TBL1XR1: variants seen among roughly 807,000 people sequenced by gnomAD.
TBL1XR1 encodes TBL1X/Y related 1, also known as F-box-like/WD repeat-containing protein TBL1XR1.
In TBL1XR1, 5 loss-of-function variants were observed where a neutral mutation model predicts 66.9. The ratio of observed to expected loss-of-function variants is 0.07; its 90% CI spans 0.04 to 0.16. The LOEUF is 0.16. Among genes scored for constraint, TBL1XR1 ranks in the 10% least tolerant of loss-of-function variants. The pLI is 1.00. For synonymous variants in TBL1XR1, 210 were observed against 206.0 expected, an observed-to-expected ratio of 1.02 and a Z score of -0.17; for missense variants, 238 against 623.2, an observed-to-expected ratio of 0.38 and a Z score of 6.58.
chr3:177,087,237 A>G (rs567974886), intron 2 of TBL1XR1, among the ~76,000 whole-genome samples: 2 of 149,948 alleles, frequency 1.3e-5, no homozygotes, highest in Non-Finnish European at 1.5e-5. Flanking sequence ...TAAAAAAAAA[A>G]TTAAACTAAT....
chr3:177,057,962 A>T (rs1718012742), intron 3 of TBL1XR1, among the ~76,000 whole-genome samples: 1 of 152,110 alleles, frequency 6.6e-6, no homozygotes, highest in Non-Finnish European at 1.5e-5. Flanking sequence ...TTTTCTATAG[A>T]TCGCTTGTTT....
intron 2 of TBL1XR1, among the ~76,000 whole-genome samples, chr3:177,068,879 C>T (rs977049459): frequency 1.3e-5 from 2 of 152,196 alleles, no homozygotes; most frequent in Non-Finnish European, 2.9e-5. Context: ...GATCTGGACA[C>T]TCTTTGCATG....
intron 1 of TBL1XR1, among the ~76,000 whole-genome samples, chr3:177,164,392 C>G (rs945580360): frequency 4.0e-5 from 6 of 151,726 alleles, no homozygotes; most frequent in Non-Finnish European, 8.8e-5. Flanking sequence ...GCCTGTCGCC[C>G]AGGCTGGAGT....
rs185708159 is a variant in TBL1XR1 at position 177,193,368 on chromosome 3, T to C, written c.-122+3753A>G. 2.8e-4 allele frequency among the ~76,000 whole-genome samples: 43 copies of C among 151,660 alleles called. No homozygotes were observed. In the East Asian group the frequency reaches 3.4e-3, roughly 12 times the overall value. Reference sequence around the variant, plus strand: ...CTCTATCGCCCAGGCTGGAGTGCAATGGCGCGATCTTGGCTCACTGCAACC... The same window carrying C: ...CTCTATCGCCCAGGCTGGAGTGCAACGGCGCGATCTTGGCTCACTGCAACC... On this transcript the variant is annotated intron_variant, in intron 1 of 15. Transcript: ENST00000457928.
intron 2 of TBL1XR1, among the ~76,000 whole-genome samples, chr3:177,066,880 T>C (rs535190784): frequency 1.3e-5 from 2 of 152,330 alleles, no homozygotes; most frequent in South Asian, 4.1e-4. Flanking sequence ...ACAATTACAA[T>C]ATCTTCATCT....
At chr3:177,072,124 A>C (rs553799550) in intron 2 of TBL1XR1, among the ~76,000 whole-genome samples, 1 of 152,338 alleles carries the variant, frequency 6.6e-6, no homozygotes, top group African/African-American at 2.4e-5. Context: ...TTCTTTCTTA[A>C]AAGACACACA....
intron 1 of TBL1XR1, among the ~76,000 whole-genome samples, chr3:177,106,346 T>C (rs769430328): frequency 2.6e-5 from 4 of 152,198 alleles, no homozygotes; most frequent in Non-Finnish European, 5.9e-5. Flanking sequence ...GAAGTTCTAG[T>C]GGGCACTTAG....
chr3:177,072,979 G>A (rs1413840680), intron 2 of TBL1XR1, among the ~76,000 whole-genome samples: 3 of 151,992 alleles, frequency 2.0e-5, no homozygotes, highest in Non-Finnish European at 2.9e-5. Flanking sequence ...CAGGAGAATC[G>A]CTTGAACCCA....
rs1381010759 is a variant in TBL1XR1 at position 177,023,154 on chromosome 3, A to T, written c.*2344T>A. The T allele has an allele frequency of 6.6e-6, 1 of 152,460 alleles. No homozygotes were observed. Among genetic ancestry groups the T allele is most frequent in the African/African-American group, 2.4e-5 (1 of 41,430 alleles). 9.4% of individuals were successfully genotyped at this position (152,460 alleles called of 1,614,324 possible). A position where few individuals can be genotyped will look rare whatever the true frequency, so the allele number is the denominator to read the frequency against. On this transcript the variant is annotated 3_prime_UTR_variant, in exon 16 of 16. Coordinates refer to ENST00000457928, the MANE Select transcript of TBL1XR1 (RefSeq NM_024665.7). ...GTCAATAACTGTATGCAAATGAATA[A>T]ACTGTCCATATCAAAATACAAAAGT...
intron 1 of TBL1XR1, among the ~76,000 whole-genome samples, chr3:177,107,437 T>C (rs1419412523): frequency 1.3e-5 from 2 of 152,240 alleles, no homozygotes; most frequent in Non-Finnish European, 2.9e-5. Context: ...TTCATTTAAC[T>C]ACCACATTCC....
chr3:177,056,601 T>A (rs1717831375), intron 3 of TBL1XR1, among the ~76,000 whole-genome samples: 1 of 152,196 alleles, frequency 6.6e-6, no homozygotes, highest in African/African-American at 2.4e-5. Flanking sequence ...ACTAGAATAT[T>A]TTCTTTATTT....
At chr3:177,167,681 A>G (rs907664106) in intron 1 of TBL1XR1, among the ~76,000 whole-genome samples, 2 of 152,250 alleles carry the variant, frequency 1.3e-5, no homozygotes, top group African/African-American at 4.8e-5. Flanking sequence ...CTGTAATCCC[A>G]GCACTCTGGG....
chr3:177,080,963 C>T (rs534288120), intron 2 of TBL1XR1, among the ~76,000 whole-genome samples: 25 of 152,242 alleles, frequency 1.6e-4, no homozygotes, highest in South Asian at 8.3e-4. Flanking sequence ...AACCAGTAAA[C>T]GTATCTCTAC....
At chr3:177,110,173 A>C (rs1264396288) in intron 1 of TBL1XR1, among the ~76,000 whole-genome samples, 1 of 152,214 alleles carries the variant, frequency 6.6e-6, no homozygotes, top group Non-Finnish European at 1.5e-5. Flanking sequence ...AAGATGTGCC[A>C]AATCAAAGAA....
intron 2 of TBL1XR1, among the ~76,000 whole-genome samples, chr3:177,083,098 G>T (rs930571419): frequency 1.1e-4 from 16 of 150,180 alleles, no homozygotes; most frequent in African/African-American, 2.9e-4. Context: ...ATTTTTTTTT[G>T]AAAAATAAAT....
intron 1 of TBL1XR1, among the ~76,000 whole-genome samples, chr3:177,148,550 C>A (rs574756610): frequency 8.6e-5 from 13 of 151,738 alleles, no homozygotes; most frequent in Non-Finnish European, 1.6e-4. Flanking sequence ...CCCATCTCTA[C>A]TAAAAATACA....
chr3:177,092,554 G>A (rs1415735888), intron 2 of TBL1XR1, among the ~76,000 whole-genome samples: 1 of 152,108 alleles, frequency 6.6e-6, no homozygotes, highest in Non-Finnish European at 1.5e-5. Context: ...AAGCTAAGTA[G>A]ATAGTTGGTA....
At chr3:177,153,404 C>T (rs1731130124) in intron 1 of TBL1XR1, among the ~76,000 whole-genome samples, 1 of 152,114 alleles carries the variant, frequency 6.6e-6, no homozygotes, top group Non-Finnish European at 1.5e-5. Context: ...ACATATAAGA[C>T]TTTTCATTTC....
intron 1 of TBL1XR1, among the ~76,000 whole-genome samples, chr3:177,195,313 G>C (rs765361299): frequency 2.0e-5 from 3 of 151,740 alleles, no homozygotes; most frequent in Non-Finnish European, 4.4e-5. Flanking sequence ...CTCCCCCACA[G>C]GTAAATGCTA....
Sources: gnomAD v4.1 joint callset for allele counts (sites outside exome capture counted in the v4.1 genomes callset) on GRCh38, gnomAD v4.1.1 for gene constraint, MANE v1.5 for transcripts, NCBI Gene and HGNC (gene_info 2026-07-23, HGNC 2026-07-21) for gene names.